SV2C: variants seen among roughly 807,000 people sequenced by gnomAD.
The protein encoded by SV2C is synaptic vesicle glycoprotein 2C.
In SV2C, 49 loss-of-function variants were observed where a neutral mutation model predicts 79.7. The observed-to-expected ratio is 0.61, with a 90% confidence interval of 0.49 to 0.78. SV2C has a LOEUF of 0.78. Ranked by LOEUF, SV2C falls within the 30% of genes least tolerant of loss-of-function variation. The pLI is 0.00. For synonymous variants in SV2C, 334 were observed against 333.2 expected (o/e 1.00, Z -0.03); for missense variants, 833 against 912.9 (o/e 0.91, Z 1.13).
chr5:75,870,484 T>A, the SV2C span, among the ~76,000 whole-genome samples: 4 of 147,040 alleles, frequency 2.7e-5, no homozygotes, highest in South Asian at 2.1e-4. Context: ...TAAAAAAAAT[T>A]AAAAAAAATG....
intron 2 of SV2C, among the ~76,000 whole-genome samples, chr5:76,158,376 C>T (rs958327161): frequency 1.3e-5 from 2 of 150,974 alleles, no homozygotes; most frequent in African/African-American, 2.4e-5. Flanking sequence ...GTAAACAGCA[C>T]CCACAAGAAA....
the SV2C span, among the ~76,000 whole-genome samples, chr5:75,925,295 T>C: frequency 8.5e-5 from 13 of 152,304 alleles, 1 homozygote; most frequent in African/African-American, 3.1e-4. Flanking sequence ...AAAGAATCCC[T>C]CTCTTAGTTT....
the SV2C span, among the ~76,000 whole-genome samples, chr5:75,973,716 A>G: frequency 6.6e-6 from 1 of 151,940 alleles, no homozygotes; most frequent in African/African-American, 2.4e-5. Context: ...CAAAACAGGA[A>G]GCTGTTCTTT....
the SV2C span, among the ~76,000 whole-genome samples, chr5:75,898,872 T>C: frequency 2.6e-5 from 4 of 152,258 alleles, no homozygotes; most frequent in Non-Finnish European, 2.9e-5. Context: ...GTTTGTAGTA[T>C]TCTCTGATGG....
At chr5:76,256,025 C>A (rs1358838107) in intron 4 of SV2C, among the ~76,000 whole-genome samples, 2 of 152,124 alleles carry the variant, frequency 1.3e-5, no homozygotes, top group Admixed American at 6.5e-5. Context: ...TTATGAAATG[C>A]AAGGCAAAAA....
chr5:75,940,123 T>C, the SV2C span, among the ~76,000 whole-genome samples: 1,709 of 152,294 alleles, frequency 0.011, 27 homozygotes, highest in African/African-American at 0.039. Flanking sequence ...AGCACTATGC[T>C]TAGTATACAA....
intron 10 of SV2C, among the ~76,000 whole-genome samples, chr5:76,299,189 C>A (rs1488873087): frequency 6.6e-6 from 1 of 152,192 alleles, no homozygotes; most frequent in East Asian, 1.9e-4. Context: ...ATTTTTAAAG[C>A]AAAGACCTAA....
At chr5:75,908,150 A>T in the SV2C span, among the ~76,000 whole-genome samples, 1 of 152,230 alleles carries the variant, frequency 6.6e-6, no homozygotes, top group Non-Finnish European at 1.5e-5. Context: ...CAATTTTTAG[A>T]TAATTTTTAA....
At chr5:76,178,511 G>C (rs1442198604) in intron 2 of SV2C, among the ~76,000 whole-genome samples, 1 of 151,888 alleles carries the variant, frequency 6.6e-6, no homozygotes, top group Non-Finnish European at 1.5e-5. Flanking sequence ...ATTGACAGAG[G>C]GAAGCCCACC....
At chr5:76,094,057 C>A (rs1747464799) in intron 1 of SV2C, among the ~76,000 whole-genome samples, 1 of 151,896 alleles carries the variant, frequency 6.6e-6, no homozygotes, top group South Asian at 2.1e-4. Context: ...CCAGCCTGGG[C>A]AAAATGGTGA....
chr5:75,955,544 T>C, the SV2C span, among the ~76,000 whole-genome samples: 1 of 146,068 alleles, frequency 6.8e-6, no homozygotes, highest in African/African-American at 2.6e-5. Flanking sequence ...AATTGACAAA[T>C]GGGATCTAAT....
At chr5:75,859,667 G>T in the SV2C span, among the ~76,000 whole-genome samples, 1 of 152,086 alleles carries the variant, frequency 6.6e-6, no homozygotes, top group South Asian at 2.1e-4. Flanking sequence ...CCACTCCGCG[G>T]CATTCCACAG....
At chr5:76,098,093 T>C (rs1283300651) in intron 1 of SV2C, among the ~76,000 whole-genome samples, 3 of 152,168 alleles carry the variant, frequency 2.0e-5, no homozygotes, top group Non-Finnish European at 4.4e-5. Context: ...AAACAGGTGT[T>C]CAAAGATGGC....
At chr5:76,094,124 G>A (rs1747466467) in intron 1 of SV2C, among the ~76,000 whole-genome samples, 1 of 152,158 alleles carries the variant, frequency 6.6e-6, no homozygotes, top group African/African-American at 2.4e-5. Flanking sequence ...AATGTCTTTG[G>A]AGTTTCAGCA....
chr5:75,990,969 C>T, the SV2C span, among the ~76,000 whole-genome samples: 1 of 151,896 alleles, frequency 6.6e-6, no homozygotes, highest in African/African-American at 2.4e-5. Context: ...TGCCTATCGT[C>T]AGGCCTGAAA....
intron 6 of SV2C, among the ~76,000 whole-genome samples, chr5:76,289,718 A>G (rs186307843): frequency 2.8e-4 from 43 of 152,022 alleles, no homozygotes; most frequent in African/African-American, 1.0e-3. Context: ...CCGGTGCACT[A>G]TTTTCCCTCC....
chr5:76,136,667 G>A (rs545172663), intron 2 of SV2C, among the ~76,000 whole-genome samples: 3 of 152,222 alleles, frequency 2.0e-5, no homozygotes, highest in African/African-American at 4.8e-5. Context: ...ACCATGGCAC[G>A]TGTATACCTA....
the SV2C span, among the ~76,000 whole-genome samples, chr5:76,054,610 A>T: frequency 6.6e-6 from 1 of 152,182 alleles, no homozygotes; most frequent in African/African-American, 2.4e-5. Flanking sequence ...ATTCCCACCA[A>T]CAGTGTAAAA....
chr5:76,160,115 G>A (rs144778587), intron 2 of SV2C, among the ~76,000 whole-genome samples: 1 of 152,026 alleles, frequency 6.6e-6, no homozygotes, highest in East Asian at 1.9e-4. Flanking sequence ...ACAAGGTTAG[G>A]GTGGAAATCC....
Sources: allele counts gnomAD v4.1 joint callset (sites outside exome capture counted in the v4.1 genomes callset), GRCh38; gene constraint gnomAD v4.1.1; transcripts MANE v1.5; gene names NCBI Gene and HGNC (gene_info 2026-07-23, HGNC 2026-07-21).